The following TBC1D1 variants were observed in gnomAD, a reference collection of about 807,000 sequenced individuals.
TBC1D1 encodes TBC1 domain family member 1.
Under a neutral mutation model 125.6 loss-of-function variants are expected in TBC1D1, and 89 were observed. The ratio of observed to expected loss-of-function variants is 0.71; its 90% CI spans 0.60 to 0.85. The LOEUF is 0.85. Ranked by LOEUF, TBC1D1 falls within the 40% of genes least tolerant of loss-of-function variation. The pLI is 0.00. For missense variants in TBC1D1, 1,377 were observed against 1,469.2 expected (o/e 0.94, Z 1.03); for synonymous variants, 565 against 564.1 (o/e 1.00, Z -0.02).
At chr4:37,980,605 A>G (rs1560564865) in intron 2 of TBC1D1, among the ~76,000 whole-genome samples, 1 of 152,238 alleles carries the variant, frequency 6.6e-6, no homozygotes, top group Non-Finnish European at 1.5e-5. Context: ...GATTTTAAAT[A>G]TACATATGTC....
intron 2 of TBC1D1, among the ~76,000 whole-genome samples, chr4:37,973,555 T>C (rs1016477519): frequency 2.0e-5 from 3 of 152,234 alleles, no homozygotes; most frequent in Admixed American, 2.0e-4. Context: ...GAATTGCTTC[T>C]AAGTTCTGGG....
intron 2 of TBC1D1, among the ~76,000 whole-genome samples, chr4:38,004,881 A>T (rs887356807): frequency 1.1e-4 from 16 of 152,336 alleles, no homozygotes; most frequent in African/African-American, 3.8e-4. Flanking sequence ...TTATTGAAAA[A>T]CGGTAAAACA....
chr4:38,022,702 G>C (rs553306342), intron 6 of TBC1D1, among the ~76,000 whole-genome samples: 29 of 152,332 alleles, frequency 1.9e-4, no homozygotes, highest in African/African-American at 5.8e-4. Flanking sequence ...GTGACTGCAG[G>C]GAGGGGCCAG....
chr4:37,972,711 G>C (rs543709825), intron 2 of TBC1D1, among the ~76,000 whole-genome samples: 1 of 151,828 alleles, frequency 6.6e-6, no homozygotes, highest in South Asian at 2.1e-4. Flanking sequence ...TTCGAGACCA[G>C]CCTCAACATG....
intron 2 of TBC1D1, among the ~76,000 whole-genome samples, chr4:37,979,684 A>G (rs528520694): frequency 1.3e-5 from 2 of 152,290 alleles, no homozygotes; most frequent in Admixed American, 6.5e-5. Flanking sequence ...TTCCTTTTTC[A>G]TTTTGACCTT....
chr4:37,935,004 C>T (rs139653558), intron 2 of TBC1D1, among the ~76,000 whole-genome samples: 7 of 152,148 alleles, frequency 4.6e-5, no homozygotes, highest in African/African-American at 9.6e-5. Context: ...GAAAAGAGAC[C>T]GTGGAGAACC....
chr4:38,133,232 A>G lies in TBC1D1; in HGVS notation c.3281A>G (p.Asn1094Ser). The change falls in exon 19 of 20, where the codon AAC (asparagine) becomes AGC (serine). Residue 1094 changes from asparagine to serine, a missense_variant. Around this residue, in one of 3 missense-constraint regions of TBC1D1, gnomAD observed 543 missense variants for 613.5 expected, o/e 0.89. Transcript: ENST00000261439. ...ACCAACAGCAGCTTACGCAAACAGA[A>G]CCTTGACCTCCTTGAACAGTTGCAG... The G allele has an allele frequency of 6.2e-7, 1 of 1,614,102 alleles. No individual in the cohort carries two copies. The highest frequency in any genetic ancestry group is 8.5e-7 in the Non-Finnish European group (1 of 1,179,998).
At chr4:38,092,062 TAAAAAAATAA>T in intron 13 of TBC1D1, among the ~76,000 whole-genome samples, 1 of 152,192 alleles carries the variant, frequency 6.6e-6, no homozygotes, top group Non-Finnish European at 1.5e-5. Context: ...GGATTGCTGA[TAAAAAAATAA>T]CTAGCAATAA....
intron 17 of TBC1D1, among the ~76,000 whole-genome samples, chr4:38,119,619 C>T (rs966895858): frequency 7.2e-5 from 11 of 152,070 alleles, no homozygotes; most frequent in Non-Finnish European, 1.6e-4. Flanking sequence ...TTTAAGCTTT[C>T]TTGCCAATAA....
chr4:38,008,824 G>C (rs967201893), intron 2 of TBC1D1, among the ~76,000 whole-genome samples: 2 of 152,218 alleles, frequency 1.3e-5, no homozygotes, highest in African/African-American at 4.8e-5. Context: ...GCCCATGTTT[G>C]TGTTCTGGCA....
intron 13 of TBC1D1, among the ~76,000 whole-genome samples, chr4:38,095,547 G>GA (rs1759183058): frequency 6.6e-6 from 1 of 152,116 alleles, no homozygotes; most frequent in South Asian, 2.1e-4. Context: ...TAGTTTAGAT[G>GA]AAAAAAATTG....
At position 38,035,784 on chromosome 4, in the gene TBC1D1, T is replaced by A; in HGVS notation, c.1413+86T>A. The stretch of plus-strand genomic sequence containing the variant: ...ACGTTTTGAGGATTTTCTGAAACTC[T>A]GATACCTTTTTTTCTCCCTATGTTT... On this transcript the variant is annotated intron_variant, in intron 8 of 19. Transcript: ENST00000261439. The A allele has an allele frequency of 2.1e-6, 2 of 972,556 alleles. 1 individual carries two copies. The highest frequency in any genetic ancestry group is 2.9e-5 in the South Asian group (2 of 68,304). The allele number at this position is 972,556 out of a possible 1,614,324, so 60.2% of individuals were successfully genotyped here.
At chr4:38,036,025 T>G (rs762264118) in intron 8 of TBC1D1, among the ~76,000 whole-genome samples, 9 of 152,288 alleles carry the variant, frequency 5.9e-5, no homozygotes, top group South Asian at 2.1e-4. Flanking sequence ...CTCGCCTTTC[T>G]TCTTTGTAAA....
rs558306807 is a variant in TBC1D1 at position 38,118,150 on chromosome 4, T to G, written c.2920T>G (p.Phe974Val). The change falls in exon 17 of 20, where the codon TTT (phenylalanine) becomes GTT (valine). Residue 974 changes from phenylalanine (F) to valine (V), a missense_variant. Around this residue, in one of 3 missense-constraint regions of TBC1D1, gnomAD observed 543 missense variants for 613.5 expected, o/e 0.89. Transcript: ENST00000261439. ...CGCTGCCCCCTGGTTCCTCACCATG[T>G]TTGCCTCACAGTTCCCGCTGGGATT... The G allele has an allele frequency of 1.9e-6, 3 of 1,614,230 alleles. No individual in the cohort carries two copies. In the Admixed American group the frequency reaches 5.0e-5, roughly 27 times the overall value.
chr4:38,087,899 C>G (rs1465631125), intron 12 of TBC1D1, among the ~76,000 whole-genome samples: 1 of 148,968 alleles, frequency 6.7e-6, no homozygotes, highest in Non-Finnish European at 1.5e-5. Context: ...TCAACCCCAC[C>G]TAACCCTCAG....
At position 38,125,046 on chromosome 4, in the gene TBC1D1, A is replaced by G. The variant is rs749043918; in HGVS notation, c.3047A>G (p.His1016Arg). The G allele has an allele frequency of 1.9e-5, 31 of 1,614,058 alleles. No individual in the cohort carries two copies. The South Asian group carries it at 3.0e-4, about 15-fold the overall frequency. Residue 1016 changes from histidine to arginine, a missense_variant, in exon 18 of 20, where the codon CAT becomes CGT. By Grantham distance (29) the His-to-Arg change is conservative. Around this residue, in one of 3 missense-constraint regions of TBC1D1, gnomAD observed 543 missense variants for 613.5 expected, o/e 0.89. Coordinates refer to ENST00000261439, the MANE Select transcript of TBC1D1 (RefSeq NM_015173.4). ...AGCCATAAGCCCTTGATTCTGCAGC[A>G]TGAAAACCTAGAAACCATAGTTGAC...
intron 2 of TBC1D1, among the ~76,000 whole-genome samples, chr4:37,968,679 C>A (rs1731494247): frequency 6.6e-6 from 1 of 152,198 alleles, no homozygotes; most frequent in South Asian, 2.1e-4. Flanking sequence ...TGAAGACGGT[C>A]TTCAAATACT....
intron 1 of TBC1D1, among the ~76,000 whole-genome samples, chr4:37,899,160 G>GCAGGA (rs1715294414): frequency 6.6e-6 from 1 of 152,148 alleles, no homozygotes; most frequent in Admixed American, 6.5e-5. Context: ...AGAAAGAGTA[G>GCAGGA]TTGGTGAAGT....
chr4:38,111,111 G>A (rs1560812386), intron 15 of TBC1D1, among the ~76,000 whole-genome samples: 1 of 152,232 alleles, frequency 6.6e-6, no homozygotes, highest in African/African-American at 2.4e-5. Context: ...AATGCCATCA[G>A]CACTAGCTTA....
Sources: gnomAD v4.1 joint callset for allele counts (sites outside exome capture counted in the v4.1 genomes callset) on GRCh38, gnomAD v4.1.1 for gene constraint, gnomAD v4.1.1 regional missense constraint, MANE v1.5 for transcripts, NCBI Gene and HGNC (gene_info 2026-07-23, HGNC 2026-07-21) for gene names.